The following GNAL variants were observed in gnomAD, a reference collection of about 807,000 sequenced individuals.
GNAL encodes G protein subunit alpha L.
GNAL carries 18 observed loss-of-function variants against 55.1 expected under a neutral mutation model. The ratio of observed to expected loss-of-function variants is 0.33; its 90% CI spans 0.23 to 0.48. The LOEUF is 0.48. Ranked by LOEUF, GNAL falls within the 20% of genes least tolerant of loss-of-function variation. The pLI is 0.99. For synonymous variants in GNAL, 253 were observed against 237.0 expected (o/e 1.07, Z -0.62); for missense variants, 412 against 614.1 (o/e 0.67, Z 3.48).
chr18:11,850,765 A>G (rs1413095893), intron 5 of GNAL, among the ~76,000 whole-genome samples: 2 of 152,188 alleles, frequency 1.3e-5, no homozygotes, highest in Non-Finnish European at 2.9e-5. Context: ...ATTGCTGGCA[A>G]CTCACCTAGA....
At chr18:11,739,938 C>T (rs926033400) in intron 1 of GNAL, among the ~76,000 whole-genome samples, 2 of 152,040 alleles carry the variant, frequency 1.3e-5, no homozygotes, top group African/African-American at 2.4e-5. Flanking sequence ...AAAACCTCCC[C>T]CTGCGTTCAG....
intron 1 of GNAL, among the ~76,000 whole-genome samples, chr18:11,694,488 C>T (rs768496271): frequency 2.6e-4 from 39 of 152,150 alleles, no homozygotes; most frequent in Non-Finnish European, 4.6e-4. Context: ...TTAGATGGAG[C>T]ATGGTTGAAG....
At chr18:11,864,468 C>T (rs534295532) in intron 6 of GNAL, 65 bp from the exon 7 acceptor site, 2 of 837,902 alleles carry the variant, frequency 2.4e-6, no homozygotes, top group East Asian at 2.4e-5. Context: ...TATAGTTATA[C>T]CCGGGCTTTA....
intron 5 of GNAL, among the ~76,000 whole-genome samples, chr18:11,841,784 T>C (rs2035620615): frequency 6.6e-6 from 1 of 152,166 alleles, no homozygotes; most frequent in Non-Finnish European, 1.5e-5. Context: ...CTGGGGAAGA[T>C]AAAAACCTCT....
At position 11,741,069 on chromosome 18, in the gene GNAL, G is replaced by A. The variant is rs186922256; in HGVS notation, c.377-11784G>A. 1.9e-3 allele frequency among the ~76,000 whole-genome samples: 283 copies of A among 152,360 alleles called. 1 individual carries two copies. The highest frequency in any genetic ancestry group is 8.5e-3 in the South Asian group (41 of 4,830). On this transcript the variant is annotated intron_variant, in intron 1 of 11. Transcript: ENST00000334049. ...AACCAAAGTCTAAAAGAAACCAGTT[G>A]CTAAGGCAACTGGGCAAAGAGATAA...
At chr18:11,879,746 C>T (rs2036618032) in intron 11 of GNAL, among the ~76,000 whole-genome samples, 1 of 152,078 alleles carries the variant, frequency 6.6e-6, no homozygotes, top group Non-Finnish European at 1.5e-5. Context: ...CACATTAGCA[C>T]ATCACTGAGG....
intron 1 of GNAL, among the ~76,000 whole-genome samples, chr18:11,695,680 A>G (rs973902104): frequency 6.6e-6 from 1 of 152,120 alleles, no homozygotes; most frequent in African/African-American, 2.4e-5. Context: ...TGTTATTCGA[A>G]TTTTAAATCC....
intron 1 of GNAL, among the ~76,000 whole-genome samples, chr18:11,721,549 A>T (rs989518807): frequency 6.6e-6 from 1 of 151,912 alleles, no homozygotes; most frequent in African/African-American, 2.4e-5. Flanking sequence ...TGAGGTCAGC[A>T]GTTCCAGACC....
chr18:11,714,818 T>C (rs1020984839), intron 1 of GNAL, among the ~76,000 whole-genome samples: 2 of 152,174 alleles, frequency 1.3e-5, no homozygotes, highest in Non-Finnish European at 2.9e-5. Context: ...TTTGGCATAG[T>C]GAGTTTAGGG....
intron 5 of GNAL, among the ~76,000 whole-genome samples, chr18:11,828,290 G>A (rs1185304489): frequency 6.6e-6 from 1 of 152,160 alleles, no homozygotes; most frequent in Admixed American, 6.5e-5. Context: ...TGTGGTCCCA[G>A]CTACTCAGGA....
At chr18:11,795,374 GAGT>G (rs1197948908) in intron 4 of GNAL, among the ~76,000 whole-genome samples, 1 of 140,180 alleles carries the variant, frequency 7.1e-6, no homozygotes, top group Non-Finnish European at 1.5e-5. Flanking sequence ...CTGGGTAACA[GAGT>G]GAGACCCTGT....
intron 5 of GNAL, chr18:11,852,190 C>G (rs1567892685): frequency 4.2e-6 from 6 of 1,438,458 alleles, no homozygotes; most frequent in Non-Finnish European, 4.6e-6. Context: ...ATACTATACC[C>G]TAGAAACTCT....
rs1403812089 is a variant in GNAL at position 11,884,849 on chromosome 18, G to A, written c.*3714G>A. 6.2e-5 allele frequency: 86 copies of A among 1,376,396 alleles called. No homozygotes were observed. The East Asian group carries it at 2.3e-3, about 37-fold the overall frequency. 85.3% of individuals were successfully genotyped at this position (1,376,396 alleles called of 1,614,324 possible). A position where few individuals can be genotyped will look rare whatever the true frequency, so the allele number is the denominator to read the frequency against. ...GGAGAGACAAGTAAGGCCCAAGTGTGCCTGAGTGGAAAATGTCTGGGACAC... is the reference window on the plus strand; with the variant it reads ...GGAGAGACAAGTAAGGCCCAAGTGTACCTGAGTGGAAAATGTCTGGGACAC... On this transcript the variant is annotated 3_prime_UTR_variant, in exon 12 of 12. Transcript: ENST00000334049.
intron 1 of GNAL, among the ~76,000 whole-genome samples, chr18:11,703,401 G>T (rs529067029): frequency 2.0e-5 from 3 of 152,280 alleles, no homozygotes; most frequent in Non-Finnish European, 4.4e-5. Context: ...ATATAGAAAC[G>T]TGTTATTTGT....
At chr18:11,854,252 T>C (rs1180925816) in intron 5 of GNAL, 1 of 167,160 alleles carries the variant, frequency 6.0e-6, no homozygotes, top group Admixed American at 6.5e-5. Context: ...TTTTGTGAGA[T>C]TAAACAATGC....
At chr18:11,845,724 A>AAAGGAAGGAAGGGAGGGAGGGAGAGAGGG (rs2035718010) in intron 5 of GNAL, among the ~76,000 whole-genome samples, 1 of 151,158 alleles carries the variant, frequency 6.6e-6, no homozygotes, top group Non-Finnish European at 1.5e-5. Flanking sequence ...GGAAAGAAAT[A>AAAGGAAGGAAGGGAGGGAGGGAGAGAGGG]AAGGAAGGAA....
intron 1 of GNAL, among the ~76,000 whole-genome samples, chr18:11,743,577 A>G (rs571591462): frequency 8.5e-5 from 13 of 152,314 alleles, no homozygotes; most frequent in African/African-American, 2.9e-4. Context: ...AAAAATTTTT[A>G]CATTTTACTT....
chr18:11,769,375 G>A (rs1006710282), intron 4 of GNAL, among the ~76,000 whole-genome samples: 2 of 151,820 alleles, frequency 1.3e-5, no homozygotes, highest in African/African-American at 4.8e-5. Context: ...GGCTTCCTGG[G>A]AAGGTAAAAT....
In GNAL at chr18:11,854,828, CATG is replaced by C. The variant is rs566633330; in HGVS notation, c.723-7564_723-7562del. Among the ~76,000 whole-genome samples the C allele has an allele frequency of 6.2e-4, 95 of 152,208 alleles. 2 individuals are homozygous for C. Among genetic ancestry groups the C allele is most frequent in the Middle Eastern group, 3.4e-3 (1 of 294 alleles). On this transcript the variant is annotated intron_variant, in intron 5 of 11. Transcript: ENST00000334049. ...TCTGAGGTAGATTTGGGTCAGAAAG[CATG>C]ATATTTTTCCAAATTCACCCTCAGT...
Sources: allele counts gnomAD v4.1 joint callset (sites outside exome capture counted in the v4.1 genomes callset), GRCh38; gene constraint gnomAD v4.1.1; transcripts MANE v1.5; gene names NCBI Gene and HGNC (gene_info 2026-07-23, HGNC 2026-07-21).